BICD1: variants seen among roughly 807,000 people sequenced by gnomAD.
The protein encoded by BICD1 is BICD cargo adaptor 1, also known as protein bicaudal D homolog 1.
A neutral mutation model predicts 92.5 loss-of-function variants in BICD1; 35 were observed. The observed-to-expected ratio is 0.38, with a 90% CI of 0.29 to 0.50. The LOEUF is 0.50. Ranked by LOEUF, BICD1 falls within the 20% of genes least tolerant of loss-of-function variation. The pLI, the probability that BICD1 is intolerant of heterozygous loss-of-function variation, is 0.93. For missense variants in BICD1, 950 were observed against 1,189.8 expected, an observed-to-expected ratio of 0.80 and a Z score of 2.97; for synonymous variants, 429 against 465.1, an observed-to-expected ratio of 0.92 and a Z score of 1.00.
intron 2 of BICD1, among the ~76,000 whole-genome samples, chr12:32,265,361 G>T (rs906393950): frequency 1.3e-5 from 2 of 152,086 alleles, no homozygotes; most frequent in African/African-American, 4.8e-5. Flanking sequence ...GGAGAAAAAT[G>T]TATAAGGTAA....
At chr12:32,167,601 G>T (rs574000165) in intron 1 of BICD1, among the ~76,000 whole-genome samples, 2 of 152,080 alleles carry the variant, frequency 1.3e-5, no homozygotes, top group Non-Finnish European at 2.9e-5. Context: ...GACTACAGGC[G>T]CATGCCACCA....
intron 5 of BICD1, chr12:32,332,863 T>C: frequency 1.0e-6 from 1 of 985,050 alleles, no homozygotes; most frequent in Non-Finnish European, 1.2e-6. Context: ...GAAATAAGAC[T>C]TTTTTTATTT....
At chr12:32,279,307 G>T (rs1947357218) in intron 2 of BICD1, among the ~76,000 whole-genome samples, 1 of 152,104 alleles carries the variant, frequency 6.6e-6, no homozygotes, top group African/African-American at 2.4e-5. Context: ...GATTGCGGTG[G>T]TGGTCACAAC....
intron 1 of BICD1, among the ~76,000 whole-genome samples, chr12:32,208,132 T>C (rs1309498294): frequency 6.6e-6 from 1 of 152,236 alleles, no homozygotes; most frequent in Admixed American, 6.5e-5. Context: ...ACCTTTAAGG[T>C]AGATGTTATT....
At chr12:32,364,282 C>G (rs1197925348) in intron 8 of BICD1, among the ~76,000 whole-genome samples, 1 of 152,124 alleles carries the variant, frequency 6.6e-6, no homozygotes, top group African/African-American at 2.4e-5. Context: ...TTTTATTCCC[C>G]CCAAAGCAAC....
chr12:32,137,892 GGTTCAAGCGAT>G (rs1942784606), intron 1 of BICD1, among the ~76,000 whole-genome samples: 3 of 151,974 alleles, frequency 2.0e-5, no homozygotes, highest in Admixed American at 2.0e-4. Flanking sequence ...CCGCCTCCCA[GGTTCAAGCGAT>G]TCTCCTGCCT....
At chr12:32,121,542 A>G (rs55659340) in intron 1 of BICD1, among the ~76,000 whole-genome samples, 43,697 of 151,274 alleles carry the variant, frequency 0.29, 6,541 homozygotes, top group Admixed American at 0.43. Context: ...GCAGTGAGCT[A>G]AGATCACTCC....
At chr12:32,236,009 A>T (rs1946061049) in intron 2 of BICD1, among the ~76,000 whole-genome samples, 1 of 151,464 alleles carries the variant, frequency 6.6e-6, no homozygotes, top group Admixed American at 6.6e-5. Context: ...AAACTTTTTC[A>T]TTATTGTTAT....
chr12:32,197,736 T>C (rs1294071993), intron 1 of BICD1, among the ~76,000 whole-genome samples: 2 of 152,148 alleles, frequency 1.3e-5, no homozygotes, highest in Non-Finnish European at 2.9e-5. Context: ...GATGATATGA[T>C]ACAGATCAGC....
At position 32,115,309 on chromosome 12, in the gene BICD1, T is replaced by C. The variant is rs190884393; in HGVS notation, c.213+7765T>C. On this transcript the variant is annotated intron_variant, in intron 1 of 9. Transcript: ENST00000652176. ...ACAGTTCTGTCTCTGTTGTTAACAC[T>C]TTGCTGAGTATTCTTCTGTACTTGT... 3.0e-3 allele frequency among the ~76,000 whole-genome samples: 452 copies of C among 152,250 alleles called. 2 individuals carry two copies. Among genetic ancestry groups the C allele is most frequent in the African/African-American group, 0.011 (439 of 41,576 alleles).
intron 1 of BICD1, among the ~76,000 whole-genome samples, chr12:32,195,283 T>C (rs2120600): frequency 0.99 from 150,697 of 152,316 alleles, 74,572 homozygotes; most frequent in Middle Eastern, 1. Flanking sequence ...TGTATGGAAT[T>C]GCAAAAGACC....
At chr12:32,279,067 A>G (rs942138524) in intron 2 of BICD1, among the ~76,000 whole-genome samples, 3 of 152,218 alleles carry the variant, frequency 2.0e-5, no homozygotes, top group African/African-American at 7.2e-5. Flanking sequence ...TCAAAAAACA[A>G]AGGTTATATG....
chr12:32,156,303 C>G (rs947248829), intron 1 of BICD1, among the ~76,000 whole-genome samples: 1 of 152,170 alleles, frequency 6.6e-6, no homozygotes, highest in Non-Finnish European at 1.5e-5. Flanking sequence ...ACAAACATAC[C>G]TCTGTGTGTG....
intron 8 of BICD1, among the ~76,000 whole-genome samples, chr12:32,362,632 T>C (rs1191996466): frequency 6.6e-6 from 1 of 152,170 alleles, no homozygotes. Flanking sequence ...ACCCTGATAT[T>C]TTCTAGAGGT....
intron 2 of BICD1, among the ~76,000 whole-genome samples, chr12:32,265,209 G>A (rs533315203): frequency 6.6e-6 from 1 of 152,092 alleles, no homozygotes; most frequent in South Asian, 2.1e-4. Context: ...ACAGAGATTA[G>A]TCTTACAAGG....
intron 8 of BICD1, among the ~76,000 whole-genome samples, chr12:32,342,518 T>C (rs34195373): frequency 0.16 from 24,238 of 151,936 alleles, 2,341 homozygotes; most frequent in African/African-American, 0.26. Context: ...CCCAAAGTGC[T>C]GGGATTACAG....
rs117861104 is a variant in BICD1, at chr12:32,355,619, C to T, written c.2765-12051C>T. ...GAGTATGAGACTAGCCTGGGCAACACGGTGAAACTCTGTCTCTACTAAAAA... is the reference window on the plus strand; with the variant it reads ...GAGTATGAGACTAGCCTGGGCAACATGGTGAAACTCTGTCTCTACTAAAAA... On this transcript the variant is annotated intron_variant, in intron 8 of 9. Coordinates refer to ENST00000652176, the MANE Select transcript of BICD1 (RefSeq NM_001714.4). Among the ~76,000 whole-genome samples the T allele has an allele frequency of 4.0e-3, 601 of 151,968 alleles. 3 individuals carry two copies. The highest frequency in any genetic ancestry group is 0.019 in the East Asian group (100 of 5,168).
chr12:32,307,228 A>G (rs1404116592), intron 4 of BICD1, among the ~76,000 whole-genome samples: 1 of 152,172 alleles, frequency 6.6e-6, no homozygotes, highest in Non-Finnish European at 1.5e-5. Flanking sequence ...TGTACAAATT[A>G]TCCAGGATAC....
chr12:32,265,174 G>A (rs1307864332), intron 2 of BICD1, among the ~76,000 whole-genome samples: 6 of 151,768 alleles, frequency 4.0e-5, no homozygotes, highest in Admixed American at 3.9e-4. Context: ...TGTTTCTCAT[G>A]CTCATCCCAT....
Sources: allele counts gnomAD v4.1 joint callset (sites outside exome capture counted in the v4.1 genomes callset), GRCh38; gene constraint gnomAD v4.1.1; transcripts MANE v1.5; gene names NCBI Gene and HGNC (gene_info 2026-07-23, HGNC 2026-07-21).